The following HMCES variants were observed in gnomAD, a reference collection of about 807,000 sequenced individuals.
HMCES encodes 5-hydroxymethylcytosine binding, ES cell specific, also known as abasic site processing protein HMCES.
A neutral mutation model predicts 35.1 loss-of-function variants in HMCES; 27 were observed. The observed-to-expected ratio is 0.77, with a 90% CI of 0.57 to 1.06. HMCES has a LOEUF of 1.06. HMCES is among the 50% of genes least tolerant of loss of function. The probability of loss-of-function intolerance (pLI) is 0.00; values close to 1 mark genes in which losing one functional copy is unlikely to be tolerated. For missense variants in HMCES, 391 were observed against 430.4 expected (o/e 0.91, Z 0.81); for synonymous variants, 130 against 154.7 (o/e 0.84, Z 1.18).
intron 4 of HMCES, among the ~76,000 whole-genome samples, chr3:129,294,515 A>G (rs2071068510): frequency 2.6e-5 from 4 of 152,260 alleles, no homozygotes. Flanking sequence ...TTTATACACT[A>G]CATTACTATT....
chr3:129,292,910 T>C (rs1447354199), intron 4 of HMCES, among the ~76,000 whole-genome samples: 1 of 152,084 alleles, frequency 6.6e-6, no homozygotes, highest in East Asian at 1.9e-4. Flanking sequence ...CTGGGATTAG[T>C]AGGTGATTGG....
chr3:129,305,064 G>C lies in HMCES; in HGVS notation c.*239G>C. Reference sequence around the variant, plus strand: ...CATGTGGGCCCCATAGGGGCACTGCGCCTGCTGCCCTTTCCTGGCAGGGCT... The same window carrying C: ...CATGTGGGCCCCATAGGGGCACTGCCCCTGCTGCCCTTTCCTGGCAGGGCT... On this transcript the variant is annotated 3_prime_UTR_variant, in exon 7 of 7. Coordinates refer to ENST00000383463, the MANE Select transcript of HMCES (RefSeq NM_020187.3). 1 of 552,246 alleles carries C rather than the reference G, an allele frequency of 1.8e-6. No individual in the cohort carries two copies. Among genetic ancestry groups the C allele is most frequent in the South Asian group, 2.2e-5 (1 of 44,648 alleles). The allele number at this position is 552,246 out of a possible 1,614,324, so 34.2% of individuals were successfully genotyped here.
chr3:129,282,346 T>C (rs1180799179), intron 2 of HMCES, among the ~76,000 whole-genome samples: 3 of 149,490 alleles, frequency 2.0e-5, no homozygotes, highest in South Asian at 2.1e-4. Flanking sequence ...CTTAGAATTA[T>C]AGAAAGTTAG....
Position 129,305,134 on chromosome 3 carries a change from T to G in HMCES, c.*309T>G, listed in dbSNP as rs1318643566. 5 of 380,654 alleles carry G rather than the reference T, an allele frequency of 1.3e-5. No homozygotes were observed. The highest frequency in any genetic ancestry group is 1.0e-4 in the African/African-American group (5 of 49,960). The allele number at this position is 380,654 out of a possible 1,614,324, so 23.6% of individuals were successfully genotyped here. On this transcript the variant is annotated 3_prime_UTR_variant, in exon 7 of 7. Transcript: ENST00000383463. ...GCATGCCTTACCCAGCTGGGAAGTC[T>G]CTGCCCTGATCTGGTACTCCTTGTA...
intron 4 of HMCES, among the ~76,000 whole-genome samples, chr3:129,297,542 G>A (rs1040114293): frequency 6.6e-6 from 1 of 152,072 alleles, no homozygotes; most frequent in Non-Finnish European, 1.5e-5. Context: ...CGTCTTTTTC[G>A]AGCACTGGCA....
At chr3:129,280,681 C>G (rs911974087) in intron 2 of HMCES, among the ~76,000 whole-genome samples, 2 of 152,010 alleles carry the variant, frequency 1.3e-5, no homozygotes, top group Non-Finnish European at 2.9e-5. Flanking sequence ...TTGTGTTTGT[C>G]TTTTACTAAG....
At chr3:129,296,738 T>G (rs2071097678) in intron 4 of HMCES, among the ~76,000 whole-genome samples, 1 of 152,130 alleles carries the variant, frequency 6.6e-6, no homozygotes, top group Non-Finnish European at 1.5e-5. Context: ...GGTTTGGGCT[T>G]TGTTCTCATT....
chr3:129,288,424 G>T (rs1287317888), intron 2 of HMCES, among the ~76,000 whole-genome samples: 1 of 152,176 alleles, frequency 6.6e-6, no homozygotes, highest in Admixed American at 6.5e-5. Flanking sequence ...GCTGGTTGTG[G>T]TGGCTCACAC....
intron 4 of HMCES, among the ~76,000 whole-genome samples, chr3:129,294,120 C>T (rs1449407020): frequency 1.3e-5 from 2 of 151,920 alleles, no homozygotes; most frequent in African/African-American, 4.8e-5. Context: ...ATTTTTGCCT[C>T]TCAAAAAATG....
Position 129,301,950 on chromosome 3 carries a change from G to T in HMCES, c.636G>T (p.Arg212Ser). Residue 212 changes from arginine to serine, a missense_variant and splice_region_variant, in exon 6 of 7, where the codon AGG becomes AGT. Physicochemically the swap from Arg to Ser is moderately radical, Grantham distance 110. Coordinates refer to ENST00000383463, the MANE Select transcript of HMCES (RefSeq NM_020187.3). Reference sequence around the variant, plus strand: ...CCATTGTCTTAACTTCCCTGGCCAGGATGCCTGCCATATTAGATGGAGAGG... The same window carrying T: ...CCATTGTCTTAACTTCCCTGGCCAGTATGCCTGCCATATTAGATGGAGAGG... ...SCKGLSDIHH[R>S]MPAILDGEEA... 1 of 1,611,558 alleles carries T rather than the reference G, an allele frequency of 6.2e-7. No individual in the cohort carries two copies. Among genetic ancestry groups the T allele is most frequent in the South Asian group, 1.1e-5 (1 of 90,716 alleles).
intron 4 of HMCES, among the ~76,000 whole-genome samples, chr3:129,293,519 T>C (rs757358957): frequency 6.6e-6 from 1 of 151,954 alleles, no homozygotes; most frequent in African/African-American, 2.4e-5. Context: ...TCAGTTACTC[T>C]TTCTAGGAAC....
intron 2 of HMCES, among the ~76,000 whole-genome samples, chr3:129,283,206 G>A (rs1452596888): frequency 6.6e-6 from 1 of 152,076 alleles, no homozygotes; most frequent in Non-Finnish European, 1.5e-5. Flanking sequence ...GTCCCGTACT[G>A]AGAACCACAG....
At chr3:129,284,716 C>T (rs891928763) in intron 2 of HMCES, among the ~76,000 whole-genome samples, 2 of 152,166 alleles carry the variant, frequency 1.3e-5, no homozygotes, top group Non-Finnish European at 2.9e-5. Context: ...AGTTCGAGAC[C>T]AGCGTAACCA....
At chr3:129,290,903 T>A in intron 4 of HMCES, 99 bp downstream of exon 4, 1 of 1,265,358 alleles carries the variant, frequency 7.9e-7, no homozygotes. Context: ...TATTTATTTA[T>A]TTTAAAATAA....
chr3:129,304,784 A>G lies in HMCES; in HGVS notation c.1024A>G (p.Lys342Glu), dbSNP rs558051897. ...GLLEQWLKREKEEEPVAKRPY... is the reference protein window; with the variant it reads ...GLLEQWLKREEEEEPVAKRPY... ...CCTAGAGCAATGGCTGAAGCGGGAG[A>G]AGGAGGAGGAACCTGTGGCCAAGCG... The change falls in exon 7 of 7, where the codon AAG (lysine) becomes GAG (glutamate). Residue 342 changes from lysine to glutamate, a missense_variant. Transcript: ENST00000383463. The G allele has an allele frequency of 9.4e-5, 152 of 1,613,956 alleles. No individual in the cohort carries two copies. The highest frequency in any genetic ancestry group is 1.2e-4 in the Non-Finnish European group (146 of 1,180,000).
chr3:129,285,307 A>T (rs192635038), intron 2 of HMCES, among the ~76,000 whole-genome samples: 1 of 152,162 alleles, frequency 6.6e-6, no homozygotes, highest in East Asian at 1.9e-4. Flanking sequence ...TTGAGTGCCT[A>T]CTCCATGCCA....
intron 4 of HMCES, 149 bp downstream of exon 4, chr3:129,290,953 A>C: frequency 1.4e-6 from 1 of 707,412 alleles, no homozygotes; most frequent in Non-Finnish European, 2.2e-6. Flanking sequence ...CTGTGATCCC[A>C]GCACTTTGGG....
chr3:129,288,726 A>T, intron 2 of HMCES, 128 bp from the exon 3 acceptor site: 2 of 799,192 alleles, frequency 2.5e-6, no homozygotes, highest in Non-Finnish European at 3.5e-6. Context: ...TTTCAAGTAG[A>T]TTCCCTGTTT....
intron 4 of HMCES, among the ~76,000 whole-genome samples, chr3:129,291,403 GCC>G (rs769859718): frequency 1.7e-3 from 263 of 152,264 alleles, no homozygotes; most frequent in Non-Finnish European, 3.0e-3. Context: ...ACTATGCCCA[GCC>G]CCTGTCAAAC....
Sources: allele counts gnomAD v4.1 joint callset (sites outside exome capture counted in the v4.1 genomes callset), GRCh38; gene constraint gnomAD v4.1.1; transcripts MANE v1.5; gene names NCBI Gene and HGNC (gene_info 2026-07-23, HGNC 2026-07-21).